Variants in RASAL3 observed in about 807,000 individuals in gnomAD.
RASAL3 encodes RAS protein activator like-3.
A neutral mutation model predicts 105.5 loss-of-function variants in RASAL3; 74 were observed. The observed-to-expected ratio is 0.70, with a 90% CI of 0.58 to 0.85. The LOEUF (loss-of-function observed/expected upper bound fraction) is 0.85, where lower values mean the gene tolerates loss of function less well. Among genes scored for constraint, RASAL3 ranks in the 40% least tolerant of loss-of-function variants. The pLI is 0.00. For synonymous variants in RASAL3, 579 were observed against 591.6 expected, an observed-to-expected ratio of 0.98 and a Z score of 0.31; for missense variants, 1,352 against 1,392.0, an observed-to-expected ratio of 0.97 and a Z score of 0.46.
Position 15,451,876 on chromosome 19 carries a change from C to CAGG in RASAL3, c.2952_2954dup (p.Leu985dup), listed in dbSNP as rs1970159464. The CAGG allele has an allele frequency of 5.6e-6, 9 of 1,609,200 alleles. No individual in the cohort carries two copies. The highest frequency in any genetic ancestry group is 6.0e-6 in the Non-Finnish European group (7 of 1,176,166). On this transcript the variant is annotated inframe_insertion, in exon 18 of 18. Transcript: ENST00000343625. ...ACCCCCGCGTCCTTGGAGAAAGCTG[C>CAGG]AGGCTCTGGACAGCATCCCTCAGCT...
Position 15,453,451 on chromosome 19 carries a change from G to C in RASAL3, c.2326C>G (p.Pro776Ala), listed in dbSNP as rs1313615416. 3.2e-6 allele frequency: 5 copies of C among 1,545,132 alleles called. No individual in the cohort carries two copies. The African/African-American group carries it at 4.3e-5, about 13-fold the overall frequency. Residue 776 changes from proline to alanine, a missense_variant, in exon 15 of 18, where the codon CCC becomes GCC. Pro to Ala is a conservative substitution (Grantham distance 27). This residue lies in a region of RASAL3 where 920 missense variants were observed against 919.6 expected (regional missense o/e 1.00). Transcript: ENST00000343625. This position sits in a 1 kb window ranked among gnomAD's most constrained non-coding sequence, Gnocchi z 4.2. The part of the protein sequence containing the change: ...KPGFLAPRDL[P>A]KHTPLISKSQ... ...TTGGAGATGAGAGGGGTGTGCTTGG[G>C]GAGGTCCCGGGGGGCCAGGAAGCCG... is the stretch of plus-strand genomic sequence containing the variant.
Position 15,457,240 on chromosome 19 carries a change from C to T in RASAL3, c.1431+52G>A. 2 of 1,230,666 alleles carry T rather than the reference C, an allele frequency of 1.6e-6. No individual in the cohort carries two copies. The highest frequency in any genetic ancestry group is 3.2e-4 in the Middle Eastern group (1 of 3,156). The allele number at this position is 1,230,666 out of a possible 1,614,324, so 76.2% of individuals were successfully genotyped here. A position where few individuals can be genotyped will look rare whatever the true frequency, so the allele number is the denominator to read the frequency against. ...TGCGCCCCAACTCCTGCCCGAAGCG[C>T]GTTATCGGTCTACCCCTGGTAGCCC... On this transcript the variant is annotated intron_variant, in intron 9 of 17. Transcript: ENST00000343625. This position sits in a 1 kb window ranked among gnomAD's most constrained non-coding sequence, Gnocchi z 8.6.
chr19:15,453,253 G>T lies in RASAL3; in HGVS notation c.2524C>A (p.Leu842Met), dbSNP rs1467906391. The T allele has an allele frequency of 1.3e-6, 2 of 1,578,616 alleles. No individual in the cohort carries two copies. Among genetic ancestry groups the T allele is most frequent in the Admixed American group, 1.8e-5 (1 of 55,220 alleles). ...AGPWPRPKGS[L>M]SMGPAPRARP... ...GCGCGGGGCGCTGGTCCCATGCTCA[G>T]GGAGCCTTTGGGTCGCGGCCAGGGC... The change falls in exon 15 of 18, where the codon CTG becomes ATG. Residue 842 changes from leucine to methionine, a missense_variant. Transcript: ENST00000343625. The surrounding 1 kb of genome is among the most constrained non-coding windows in gnomAD (Gnocchi z 4.2).
chr19:15,452,988 C>T, intron 15 of RASAL3, 119 bp downstream of exon 15: 1 of 1,505,812 alleles, frequency 6.6e-7, no homozygotes, highest in East Asian at 2.5e-5. Flanking sequence ...TCGGGCTAGG[C>T]CTGGGGTCAC....
chr19:15,464,269 A>C lies in RASAL3; in HGVS notation c.90T>G (p.Gly30=), dbSNP rs750610463. ...GGAACCCTCCAGCCGCCTTCTCCCC[A>C]CCGCCCCCTGTGTGCCAGCGGTAGG... is the stretch of plus-strand genomic sequence containing the variant. ...LTSYRWHTGG[G]GEKAAGGFRW... The change falls in exon 2 of 18, where the codon GGT becomes GGG. Residue 30 remains glycine, a synonymous_variant. Transcript: ENST00000343625. 1 of 1,552,736 alleles carries C rather than the reference A, an allele frequency of 6.4e-7. No individual in the cohort carries two copies. Among genetic ancestry groups the C allele is most frequent in the Non-Finnish European group, 8.7e-7 (1 of 1,145,640 alleles).
intron 2 of RASAL3, among the ~76,000 whole-genome samples, 159 bp downstream of exon 2, chr19:15,463,872 A>G (rs1216742623): frequency 6.6e-6 from 1 of 151,984 alleles, no homozygotes; most frequent in Non-Finnish European, 1.5e-5. Flanking sequence ...CTTTAGGGGG[A>G]AAGAGGGAAC....
Position 15,457,145 on chromosome 19 carries a change from G to T in RASAL3, c.1431+147C>A. On this transcript the variant is annotated intron_variant, in intron 9 of 17. Transcript: ENST00000343625. The surrounding 1 kb of genome is among the most constrained non-coding windows in gnomAD (Gnocchi z 8.6). ...CCTTCTAGGTGCCCCGCCGCTTACAGGTGACACTTGGACCACGCCCCTCAC... is the reference window on the plus strand; with the variant it reads ...CCTTCTAGGTGCCCCGCCGCTTACATGTGACACTTGGACCACGCCCCTCAC... The T allele has an allele frequency of 1.5e-6, 1 of 668,716 alleles. No individual in the cohort carries two copies. The highest frequency in any genetic ancestry group is 4.6e-5 in the South Asian group (1 of 21,860). The allele number at this position is 668,716 out of a possible 1,614,324, so 41.4% of individuals were successfully genotyped here. A position where few individuals can be genotyped will look rare whatever the true frequency, so the allele number is the denominator to read the frequency against.
rs1568328471 is a variant in RASAL3, at chr19:15,456,980, G to A, written c.1431+312C>T. 5 of 459,476 alleles carry A rather than the reference G, an allele frequency of 1.1e-5. No individual in the cohort carries two copies. The highest frequency in any genetic ancestry group is 1.6e-5 in the Non-Finnish European group (4 of 255,088). The allele number at this position is 459,476 out of a possible 1,614,324, so 28.5% of individuals were successfully genotyped here. A position where few individuals can be genotyped will look rare whatever the true frequency, so the allele number is the denominator to read the frequency against. ...CCCCGCCCCTCACAGCTGAAGCTCA[G>A]GCCCAGTCCTTCAAGGTGCCCCGCC... is the stretch of plus-strand genomic sequence containing the variant. On this transcript the variant is annotated intron_variant, in intron 9 of 17. Coordinates refer to ENST00000343625, the MANE Select transcript of RASAL3 (RefSeq NM_022904.3). This position sits in a 1 kb window ranked among gnomAD's most constrained non-coding sequence, Gnocchi z 4.4.
intron 6 of RASAL3, among the ~76,000 whole-genome samples, chr19:15,459,446 C>T (rs1228059317): frequency 5.5e-5 from 8 of 145,570 alleles, no homozygotes; most frequent in Middle Eastern, 4.4e-3. Context: ...GATTTCACCA[C>T]GTTGGCCAGG....
In RASAL3 at chr19:15,456,267, A is replaced by G. The variant is rs1568327732; in HGVS notation, c.1577-19T>C. 3.7e-6 allele frequency: 6 copies of G among 1,610,508 alleles called. No homozygotes were observed. Among genetic ancestry groups the G allele is most frequent in the African/African-American group, 1.3e-5 (1 of 74,858 alleles). The stretch of plus-strand genomic sequence containing the variant: ...ACCTGTCCTGCAGCCCAGCACAGCC[A>G]GATAGGGGCTGGGGCCATGACCACC... On this transcript the variant is annotated intron_variant, in intron 10 of 17. Coordinates refer to ENST00000343625, the MANE Select transcript of RASAL3 (RefSeq NM_022904.3). The surrounding 1 kb of genome is among the most constrained non-coding windows in gnomAD (Gnocchi z 4.4).
At chr19:15,459,093 GCTAATTTT>G (rs1970426998) in intron 6 of RASAL3, among the ~76,000 whole-genome samples, 1 of 151,808 alleles carries the variant, frequency 6.6e-6, no homozygotes, top group Non-Finnish European at 1.5e-5. Context: ...ACCATGCCTG[GCTAATTTT>G]CTAATTTTTA....
chr19:15,458,517 G>A lies in RASAL3; in HGVS notation c.789+12C>T. On this transcript the variant is annotated intron_variant, in intron 7 of 17. Coordinates refer to ENST00000343625, the MANE Select transcript of RASAL3 (RefSeq NM_022904.3). ...GACTGAGGTGGAATCGAGGTGGACT[G>A]TCTACACTTACCTGAAAGCAGTGGG... 1 of 1,613,902 alleles carries A rather than the reference G, an allele frequency of 6.2e-7. No individual in the cohort carries two copies. Among genetic ancestry groups the A allele is most frequent in the Non-Finnish European group, 8.5e-7 (1 of 1,179,842 alleles).
Position 15,456,608 on chromosome 19 carries a change from G to T in RASAL3, c.1470C>A (p.Arg490=). 1 of 1,613,368 alleles carries T rather than the reference G, an allele frequency of 6.2e-7. No homozygotes were observed. The highest frequency in any genetic ancestry group is 8.5e-7 in the Non-Finnish European group (1 of 1,179,720). The stretch of plus-strand genomic sequence containing the variant: ...ACAGCAGCGCCTCACGGCCTCCACA[G>T]CGCGCCAGCTCCGCAGTGCCCAGGT... ...VTDLGTAELA[R]CGGREALLFR... Residue 490 remains arginine, a synonymous_variant, in exon 10 of 18, where the codon CGC becomes CGA. Coordinates refer to ENST00000343625, the MANE Select transcript of RASAL3 (RefSeq NM_022904.3). The surrounding 1 kb of genome is among the most constrained non-coding windows in gnomAD (Gnocchi z 4.4).
intron 8 of RASAL3, 174 bp from the exon 9 acceptor site, chr19:15,458,008 C>G (rs1162375814): frequency 6.7e-6 from 5 of 749,284 alleles, no homozygotes; most frequent in African/African-American, 1.8e-5. Flanking sequence ...ACGCGGAAGT[C>G]TTCTAGCTTT....
rs764688127 is a variant in RASAL3 at position 15,451,856 on chromosome 19, C to T, written c.2975G>A (p.Arg992Gln). 9 of 1,608,584 alleles carry T rather than the reference C, an allele frequency of 5.6e-6. No individual in the cohort carries two copies. The highest frequency in any genetic ancestry group is 1.7e-4 in the Middle Eastern group (1 of 5,774). The stretch of plus-strand genomic sequence containing the variant: ...GGGCTGGGGTTGACTCCAAGACCCC[C>T]GCGTCCTTGGAGAAAGCTGCAGGCT... ...VQSLQLSPRTRGSWSQPQPLK... is the reference protein window; with the variant it reads ...VQSLQLSPRTQGSWSQPQPLK... Residue 992 changes from arginine to glutamine, a missense_variant, in exon 18 of 18, where the codon CGG (arginine) becomes CAG (glutamine). This residue lies in a region of RASAL3 where 920 missense variants were observed against 919.6 expected (regional missense o/e 1.00). Transcript: ENST00000343625.
Position 15,456,541 on chromosome 19 carries a change from TGTACTCATCGATAGCCTTG to T in RASAL3, c.1518_1536del (p.Lys507Ter). ...AGGTAATCCTGTGCCACGAGCTTCA[TGTACTCATCGATAGCCTTG>T]GTGGCCAATGTGTTTTCCCGGAACA... is the stretch of plus-strand genomic sequence containing the variant. On this transcript the variant is annotated frameshift_variant, in exon 10 of 18. Coordinates refer to ENST00000343625, the MANE Select transcript of RASAL3 (RefSeq NM_022904.3). LOFTEE classifies it high-confidence loss of function. The surrounding 1 kb of genome is among the most constrained non-coding windows in gnomAD (Gnocchi z 4.4). 6.2e-7 allele frequency: 1 copy of T among 1,613,864 alleles called. No homozygotes were observed.
chr19:15,463,002 G>A (rs1381175769), intron 2 of RASAL3, among the ~76,000 whole-genome samples: 1 of 151,642 alleles, frequency 6.6e-6, no homozygotes, highest in Non-Finnish European at 1.5e-5. Flanking sequence ...ACATTCCTGA[G>A]CCCTAATTCT....
Position 15,456,589 on chromosome 19 carries a change from G to A in RASAL3, c.1489C>T (p.Leu497=), listed in dbSNP as rs998910716. ...ELARCGGREA[L]LFRENTLATK... is the part of the protein sequence containing the mutation. Reference sequence around the variant, plus strand: ...GCCAATGTGTTTTCCCGGAACAGCAGCGCCTCACGGCCTCCACAGCGCGCC... The same window carrying A: ...GCCAATGTGTTTTCCCGGAACAGCAACGCCTCACGGCCTCCACAGCGCGCC... Residue 497 remains leucine, a synonymous_variant, in exon 10 of 18, where the codon CTG becomes TTG. Coordinates refer to ENST00000343625, the MANE Select transcript of RASAL3 (RefSeq NM_022904.3). The surrounding 1 kb of genome is among the most constrained non-coding windows in gnomAD (Gnocchi z 4.4). 1 of 1,613,694 alleles carries A rather than the reference G, an allele frequency of 6.2e-7. No homozygotes were observed. Among genetic ancestry groups the A allele is most frequent in the Non-Finnish European group, 8.5e-7 (1 of 1,179,800 alleles).
At position 15,454,199 on chromosome 19, in the gene RASAL3, A is replaced by T; in HGVS notation, c.2229T>A (p.Leu743=). The change falls in exon 14 of 18, where the codon CTT becomes CTA. Residue 743 remains leucine, a synonymous_variant. Transcript: ENST00000343625. ...LRAIEEGQPV[L]VSVPMRLPLP... ...GTGGGAGACGCATTGGCACTGACAC[A>T]AGCACAGGCTGGCCCTCCTCAATGG... 16 of 1,571,100 alleles carry T rather than the reference A, an allele frequency of 1.0e-5. No homozygotes were observed. The highest frequency in any genetic ancestry group is 1.4e-5 in the Non-Finnish European group (16 of 1,157,812).
Sources: gnomAD v4.1 joint callset for allele counts (sites outside exome capture counted in the v4.1 genomes callset) on GRCh38, gnomAD v4.1.1 for gene constraint, gnomAD v4.1.1 regional missense constraint, Gnocchi (gnomAD v3.1) non-coding constraint, MANE v1.5 for transcripts, NCBI Gene and HGNC (gene_info 2026-07-23, HGNC 2026-07-21) for gene names.